ZNG1B: variants seen among roughly 807,000 people sequenced by gnomAD.
The protein encoded by ZNG1B is Zn regulated GTPase metalloprotein activator 1B, also known as zinc-regulated GTPase metalloprotein activator 1B.
At chr2:113,457,759 A>T in the ZNG1B span, among the ~76,000 whole-genome samples, 3 of 138,990 alleles carry the variant, frequency 2.2e-5, 1 homozygote, top group Admixed American at 1.5e-4. Context: ...TATTTTTTTG[A>T]GGGGGGTGGT....
chr2:113,470,941 A>T, the ZNG1B span: 1 of 1,503,210 alleles, frequency 6.7e-7, no homozygotes, highest in Admixed American at 1.8e-5. Context: ...TTTTATGTAT[A>T]AAATTTTTTA....
the ZNG1B span, chr2:113,445,177 T>G: frequency 1.5e-6 from 2 of 1,376,136 alleles, no homozygotes; most frequent in East Asian, 4.7e-5. Flanking sequence ...AAAACTTTTT[T>G]TGGTTTAAAA....
chr2:113,475,628 C>T, the ZNG1B span, among the ~76,000 whole-genome samples: 8 of 151,950 alleles, frequency 5.3e-5, no homozygotes, highest in Non-Finnish European at 1.0e-4. Flanking sequence ...TGGCTGGTAC[C>T]GGTTGTTCCT....
chr2:113,437,772 C>A, the ZNG1B span: 5 of 1,549,404 alleles, frequency 3.2e-6, no homozygotes, highest in South Asian at 4.5e-5. Flanking sequence ...CGTCAGGCCC[C>A]GGGCAGGCCG....
At chr2:113,459,510 A>C in the ZNG1B span, among the ~76,000 whole-genome samples, 2 of 151,506 alleles carry the variant, frequency 1.3e-5, no homozygotes, top group African/African-American at 4.9e-5. Context: ...CTTTAAAATT[A>C]TGTCATTTTA....
chr2:113,494,684 A>G, the ZNG1B span: 1 of 878,928 alleles, frequency 1.1e-6, no homozygotes, highest in African/African-American at 1.9e-5. Flanking sequence ...TTGTTCATTG[A>G]TTGCAACCCA....
At chr2:113,450,028 A>G in the ZNG1B span, among the ~76,000 whole-genome samples, 4 of 150,842 alleles carry the variant, frequency 2.7e-5, no homozygotes, top group Non-Finnish European at 5.9e-5. Context: ...TTACTGTAGA[A>G]AAGTCTGATT....
At chr2:113,471,028 T>C in the ZNG1B span, 1 of 1,570,430 alleles carries the variant, frequency 6.4e-7, no homozygotes, top group Non-Finnish European at 8.6e-7. Flanking sequence ...TTTTCTTCCT[T>C]TTAGAGTTGA....
At chr2:113,487,625 G>A in the ZNG1B span, among the ~76,000 whole-genome samples, 1 of 151,202 alleles carries the variant, frequency 6.6e-6, no homozygotes, top group Non-Finnish European at 1.5e-5. Context: ...GTGGATTCAT[G>A]CAATATTTGT....
chr2:113,459,932 T>C, the ZNG1B span, among the ~76,000 whole-genome samples: 1 of 147,740 alleles, frequency 6.8e-6, no homozygotes, highest in Middle Eastern at 3.4e-3. Flanking sequence ...AAAGCTTGCC[T>C]CCAGAGAGAT....
chr2:113,475,636 C>G, the ZNG1B span, among the ~76,000 whole-genome samples: 1 of 151,922 alleles, frequency 6.6e-6, no homozygotes, highest in African/African-American at 2.4e-5. Flanking sequence ...ACCGGTTGTT[C>G]CTTTCCACGT....
At chr2:113,454,455 G>A in the ZNG1B span, among the ~76,000 whole-genome samples, 32,688 of 150,020 alleles carry the variant, frequency 0.22, 3,980 homozygotes, top group East Asian at 0.53. Context: ...CTTTTTCAGT[G>A]CCAAGGAAAT....
chr2:113,440,823 G>T, the ZNG1B span, among the ~76,000 whole-genome samples: 1 of 143,856 alleles, frequency 7.0e-6, no homozygotes, highest in African/African-American at 2.6e-5. Context: ...TAGTGTGTAC[G>T]GTTCACAAGA....
the ZNG1B span, among the ~76,000 whole-genome samples, chr2:113,452,122 T>C: frequency 6.6e-6 from 1 of 152,250 alleles, no homozygotes; most frequent in Non-Finnish European, 1.5e-5. Context: ...AGAACGGACA[T>C]TGATTCAGCC....
the ZNG1B span, among the ~76,000 whole-genome samples, chr2:113,476,939 C>T: frequency 1.4e-4 from 22 of 152,352 alleles, no homozygotes; most frequent in African/African-American, 5.0e-4. Flanking sequence ...GACAGGGACA[C>T]TTAAGTCTGC....
chr2:113,464,019 G>A, the ZNG1B span, among the ~76,000 whole-genome samples: 11 of 151,592 alleles, frequency 7.3e-5, no homozygotes, highest in African/African-American at 1.7e-4. Flanking sequence ...TTTAGCAAAC[G>A]TTTTTGGCAT....
the ZNG1B span, among the ~76,000 whole-genome samples, chr2:113,461,092 C>T: frequency 6.8e-6 from 1 of 146,122 alleles, no homozygotes; most frequent in East Asian, 1.9e-4. Flanking sequence ...CAGAATCTCA[C>T]TCTGTCACCC....
the ZNG1B span, among the ~76,000 whole-genome samples, chr2:113,464,889 G>A: frequency 1.5e-4 from 23 of 152,012 alleles, no homozygotes; most frequent in Middle Eastern, 3.2e-3. Flanking sequence ...ACAGTTGTGC[G>A]AATTTTTGCA....
the ZNG1B span, chr2:113,495,938 C>CT: frequency 8.7e-5 from 54 of 623,672 alleles, 2 homozygotes; most frequent in African/African-American, 2.7e-4. Flanking sequence ...ATATAATATC[C>CT]TTTTTTTTAA....
Sources: gnomAD v4.1 joint callset for allele counts (sites outside exome capture counted in the v4.1 genomes callset) on GRCh38, gnomAD v4.1.1 for gene constraint, MANE v1.5 for transcripts, NCBI Gene and HGNC (gene_info 2026-07-23, HGNC 2026-07-21) for gene names.